The following APOBEC3B variants were observed in gnomAD, a reference collection of about 807,000 sequenced individuals.
APOBEC3B encodes DNA dC->dU-editing enzyme APOBEC-3B.
Under a neutral mutation model 53.4 loss-of-function variants are expected in APOBEC3B, and 29 were observed. That is an observed-to-expected ratio of 0.54 (90% confidence interval 0.40 to 0.74). APOBEC3B has a LOEUF of 0.74. Among genes scored for constraint, APOBEC3B ranks in the 30% least tolerant of loss-of-function variants. The pLI, the probability that APOBEC3B is intolerant of heterozygous loss-of-function variation, is 0.00. For synonymous variants in APOBEC3B, 132 were observed against 184.8 expected (o/e 0.71, Z 2.32); for missense variants, 347 against 496.2 (o/e 0.70, Z 2.86).
chr22:38,988,234 G>A (rs963306772), intron 4 of APOBEC3B, among the ~76,000 whole-genome samples: 4 of 148,298 alleles, frequency 2.7e-5, no homozygotes, highest in African/African-American at 9.8e-5. Context: ...CCCAGTTTTG[G>A]TCCCAGTGCT....
At chr22:38,984,471 C>G (rs1168233794) in intron 2 of APOBEC3B, among the ~76,000 whole-genome samples, 1 of 148,930 alleles carries the variant, frequency 6.7e-6, no homozygotes, top group Non-Finnish European at 1.5e-5. Context: ...TAACAGATGA[C>G]TTAGCATAAC....
At chr22:38,982,503 C>A (rs781402799) in intron 1 of APOBEC3B, 33 bp downstream of exon 1, 3 of 1,591,310 alleles carry the variant, frequency 1.9e-6, no homozygotes, top group Admixed American at 1.8e-5. Flanking sequence ...CTGGGCCCCT[C>A]CTGCCCCTTC....
chr22:38,989,399 G>A, intron 4 of APOBEC3B, 58 bp from the exon 5 acceptor site: 16 of 1,462,096 alleles, frequency 1.1e-5, no homozygotes, highest in South Asian at 2.7e-5. Flanking sequence ...GGAGAGGAGC[G>A]AGAGGTAGTC....
At chr22:38,984,005 A>T in intron 1 of APOBEC3B, 70 bp from the exon 2 acceptor site, 1 of 1,517,860 alleles carries the variant, frequency 6.6e-7, no homozygotes, top group Non-Finnish European at 8.8e-7. Context: ...AGCTGTGTTC[A>T]GTGGACATGA....
At chr22:38,987,093 C>T (rs1002540104) in intron 4 of APOBEC3B, among the ~76,000 whole-genome samples, 5 of 148,686 alleles carry the variant, frequency 3.4e-5, no homozygotes, top group African/African-American at 1.2e-4. Context: ...GAACAAGGGC[C>T]CTGGAAGATA....
Position 38,982,444 on chromosome 22 carries a change from G to A in APOBEC3B, c.-10G>A, listed in dbSNP as rs368812226. The A allele has an allele frequency of 3.6e-5, 57 of 1,593,642 alleles. No individual in the cohort carries two copies. In the African/African-American group the frequency reaches 6.3e-4, roughly 18 times the overall value. On this transcript the variant is annotated 5_prime_UTR_variant, in exon 1 of 8. Coordinates refer to ENST00000333467, the MANE Select transcript of APOBEC3B (RefSeq NM_004900.5). Reference sequence around the variant, plus strand: ...GCGGGACAGGGACAAGCGTATCTAAGAGGCTGAACATGAATCCACAGATCA... The same window carrying A: ...GCGGGACAGGGACAAGCGTATCTAAAAGGCTGAACATGAATCCACAGATCA...
chr22:38,986,535 A>G, intron 4 of APOBEC3B, 123 bp downstream of exon 4: 2 of 1,114,598 alleles, frequency 1.8e-6, no homozygotes, highest in Non-Finnish European at 2.4e-6. Context: ...TGGTCACACC[A>G]CCTTCCCTTA....
intron 4 of APOBEC3B, among the ~76,000 whole-genome samples, chr22:38,987,377 G>A (rs796304338): frequency 6.8e-5 from 10 of 147,624 alleles, no homozygotes; most frequent in African/African-American, 2.5e-4. Context: ...CTTCTGAATG[G>A]GCCACCTCCC....
In APOBEC3B at chr22:38,982,476, G is replaced by T. The variant is rs527629935; in HGVS notation, c.17+6G>T. On this transcript the variant is annotated splice_donor_region_variant and intron_variant, in intron 1 of 7. Transcript: ENST00000333467. ...AACATGAATCCACAGATCAGGTACC[G>T]CTGCCCACTCTGCCTGCTGGGCCCC... 8.8e-6 allele frequency: 14 copies of T among 1,593,430 alleles called. 1 individual carries two copies. The highest frequency in any genetic ancestry group is 1.2e-5 in the Non-Finnish European group (14 of 1,172,494).
Position 38,988,631 on chromosome 22 carries a change from T to C in APOBEC3B, c.570-826T>C, listed in dbSNP as rs12168423. Among the ~76,000 whole-genome samples the C allele has an allele frequency of 5.4e-3, 728 of 134,784 alleles. 56 individuals carry two copies. The highest frequency in any genetic ancestry group is 0.023 in the Middle Eastern group (6 of 264). The allele number at this position is 134,784 out of a possible 152,430, so 88.4% of individuals were successfully genotyped here. On this transcript the variant is annotated intron_variant, in intron 4 of 7. Transcript: ENST00000333467. ...GGCAAACAGAGATTCCTTCCTTCCT[T>C]CCTCCCTTCCTTCCTTCCTTCCTTC...
At chr22:38,986,556 C>CA in intron 4 of APOBEC3B, 144 bp downstream of exon 4, 1 of 1,004,670 alleles carries the variant, frequency 1.0e-6, no homozygotes, top group African/African-American at 1.7e-5. Context: ...ACTCCTGGTG[C>CA]TCCCTCCACA....
rs564167762 is a variant in APOBEC3B at position 38,982,388 on chromosome 22, G to C, written c.-66G>C. The C allele has an allele frequency of 1.3e-6, 2 of 1,582,934 alleles. No homozygotes were observed. The highest frequency in any genetic ancestry group is 2.7e-5 in the African/African-American group (2 of 74,248). On this transcript the variant is annotated 5_prime_UTR_variant, in exon 1 of 8. Transcript: ENST00000333467. ...TCCAACTGCAAGGACGCTGTAAGCAGGAAGTGAAACCACAGAGCTTCAAAA... is the reference window on the plus strand; with the variant it reads ...TCCAACTGCAAGGACGCTGTAAGCACGAAGTGAAACCACAGAGCTTCAAAA...
intron 3 of APOBEC3B, 88 bp from the exon 4 acceptor site, chr22:38,986,210 G>A: frequency 6.3e-7 from 1 of 1,584,300 alleles, no homozygotes; most frequent in Non-Finnish European, 8.6e-7. Context: ...GACTGGCACT[G>A]ACTGCAACTG....
rs1279362330 is a variant in APOBEC3B at position 38,988,585 on chromosome 22, C to T, written c.570-872C>T. Among the ~76,000 whole-genome samples, 2 of 147,694 alleles carry T rather than the reference C, an allele frequency of 1.4e-5. 1 individual carries two copies. ...GTGAGTGGTAGAGCCCAGATTCATA[C>T]CCAGGTCTACTAGAAATTGTGGCAA... is the stretch of plus-strand genomic sequence containing the variant. On this transcript the variant is annotated intron_variant, in intron 4 of 7. Coordinates refer to ENST00000333467, the MANE Select transcript of APOBEC3B (RefSeq NM_004900.5).
At position 38,990,150 on chromosome 22, in the gene APOBEC3B, C is replaced by T. The variant is rs778127591; in HGVS notation, c.723+540C>T. 8.7e-4 allele frequency among the ~76,000 whole-genome samples: 116 copies of T among 132,724 alleles called. 13 individuals are homozygous for T. Among genetic ancestry groups the T allele is most frequent in the Non-Finnish European group, 1.7e-3 (106 of 61,646 alleles). 87.1% of individuals were successfully genotyped at this position (132,724 alleles called of 152,430 possible). On this transcript the variant is annotated intron_variant, in intron 5 of 7. Transcript: ENST00000333467. ...GGCCAGGAGCCCTGAGCCCAAGGGACTTTCTTCCCTGGCCCCTACCCAGCA... is the reference window on the plus strand; with the variant it reads ...GGCCAGGAGCCCTGAGCCCAAGGGATTTTCTTCCCTGGCCCCTACCCAGCA...
intron 4 of APOBEC3B, among the ~76,000 whole-genome samples, chr22:38,986,777 T>C (rs1386625969): frequency 2.7e-5 from 4 of 148,696 alleles, no homozygotes; most frequent in Non-Finnish European, 4.5e-5. Context: ...AGGAAGGAGC[T>C]CAGTGTGGGG....
intron 2 of APOBEC3B, 100 bp downstream of exon 2, chr22:38,984,331 T>G: frequency 7.3e-7 from 1 of 1,373,802 alleles, no homozygotes; most frequent in Non-Finnish European, 9.7e-7. Flanking sequence ...TTAGGTGCAC[T>G]GGTTCAGCAG....
intron 4 of APOBEC3B, 145 bp downstream of exon 4, chr22:38,986,557 T>TC: frequency 1.0e-6 from 1 of 1,000,230 alleles, no homozygotes; most frequent in Non-Finnish European, 1.4e-6. Flanking sequence ...CTCCTGGTGC[T>TC]CCCTCCACAC....
rs376485822 is a variant in APOBEC3B at position 38,982,475 on chromosome 22, C to T, written c.17+5C>T. The T allele has an allele frequency of 1.3e-4, 211 of 1,593,536 alleles. 19 individuals carry two copies. Among genetic ancestry groups the T allele is most frequent in the Middle Eastern group, 6.8e-4 (4 of 5,900 alleles). ...GAACATGAATCCACAGATCAGGTAC[C>T]GCTGCCCACTCTGCCTGCTGGGCCC... is the stretch of plus-strand genomic sequence containing the variant. On this transcript the variant is annotated splice_donor_5th_base_variant and intron_variant, in intron 1 of 7. Coordinates refer to ENST00000333467, the MANE Select transcript of APOBEC3B (RefSeq NM_004900.5).
Sources: gnomAD v4.1 joint callset for allele counts (sites outside exome capture counted in the v4.1 genomes callset) on GRCh38, gnomAD v4.1.1 for gene constraint, MANE v1.5 for transcripts, NCBI Gene and HGNC (gene_info 2026-07-23, HGNC 2026-07-21) for gene names.